The following PDE10A variants were observed in gnomAD, a reference collection of about 807,000 sequenced individuals.
PDE10A encodes phosphodiesterase 10A, also known as cAMP and cAMP-inhibited cGMP 3',5'-cyclic phosphodiesterase 10A.
Under a neutral mutation model 97.7 loss-of-function variants are expected in PDE10A, and 39 were observed. That is an observed-to-expected ratio of 0.40 (90% CI 0.31 to 0.52). PDE10A has a LOEUF of 0.52. Ranked by LOEUF, PDE10A falls within the 20% of genes least tolerant of loss-of-function variation. The pLI, the probability that PDE10A is intolerant of heterozygous loss-of-function variation, is 0.56. For missense variants in PDE10A, 731 were observed against 1,047.8 expected (o/e 0.70, Z 4.17); for synonymous variants, 371 against 376.8 (o/e 0.98, Z 0.18).
intron 1 of PDE10A, among the ~76,000 whole-genome samples, chr6:165,806,124 C>G (rs1779132369): frequency 6.8e-6 from 1 of 147,444 alleles, no homozygotes; most frequent in African/African-American, 2.5e-5. Flanking sequence ...TCTATACATT[C>G]CGGGCCAGAG....
chr6:165,603,891 A>G (rs1020939218), intron 1 of PDE10A, among the ~76,000 whole-genome samples: 17 of 152,208 alleles, frequency 1.1e-4, no homozygotes, highest in Non-Finnish European at 2.1e-4. Context: ...CCCACCCTCA[A>G]TTTGCTGAAG....
intron 1 of PDE10A, among the ~76,000 whole-genome samples, chr6:165,948,066 TATACATATATGTACATATATATACAC>T: frequency 6.6e-6 from 1 of 151,552 alleles, no homozygotes; most frequent in South Asian, 2.1e-4. Flanking sequence ...ATCATATACA[TATACATATATGTACATATATATACAC>T]ATACATATAT....
At chr6:165,403,062 C>G (rs1366368194) in intron 13 of PDE10A, among the ~76,000 whole-genome samples, 2 of 152,086 alleles carry the variant, frequency 1.3e-5, no homozygotes, top group Non-Finnish European at 2.9e-5. Flanking sequence ...TTCTCTGTTC[C>G]CCAGGATCTC....
chr6:165,425,081 A>G (rs1421065173), intron 10 of PDE10A, among the ~76,000 whole-genome samples: 1 of 152,170 alleles, frequency 6.6e-6, no homozygotes, highest in African/African-American at 2.4e-5. Flanking sequence ...ACACAAAGAA[A>G]TAAGTACTGT....
chr6:165,684,270 C>A (rs1038356509), intron 1 of PDE10A, among the ~76,000 whole-genome samples: 2 of 152,120 alleles, frequency 1.3e-5, no homozygotes, highest in African/African-American at 4.8e-5. Context: ...ACTGCTATAC[C>A]CCAGAACATA....
intron 1 of PDE10A, among the ~76,000 whole-genome samples, chr6:165,918,514 A>G (rs1269341868): frequency 6.6e-6 from 1 of 152,248 alleles, no homozygotes; most frequent in Non-Finnish European, 1.5e-5. Context: ...TTAAGCAGCC[A>G]ATCGTTCAAC....
chr6:165,958,053 A>G (rs1784191623), intron 1 of PDE10A, among the ~76,000 whole-genome samples: 1 of 152,176 alleles, frequency 6.6e-6, no homozygotes, highest in Admixed American at 6.5e-5. Context: ...ATTGAGACAT[A>G]TTTCTGATCC....
intron 1 of PDE10A, among the ~76,000 whole-genome samples, chr6:165,556,862 G>C (rs1201714849): frequency 6.6e-6 from 1 of 152,080 alleles, no homozygotes; most frequent in Non-Finnish European, 1.5e-5. Flanking sequence ...ATTCTGAGCC[G>C]GGTGCAGTGG....
chr6:165,978,013 A>G (rs1169025777), intron 1 of PDE10A, among the ~76,000 whole-genome samples: 1 of 152,244 alleles, frequency 6.6e-6, no homozygotes, highest in Non-Finnish European at 1.5e-5. Flanking sequence ...ATTCCTACAG[A>G]AGAGTCCCAG....
intron 1 of PDE10A, chr6:165,659,973 G>C (rs1308263243): frequency 6.6e-6 from 1 of 152,484 alleles, no homozygotes; most frequent in Non-Finnish European, 1.5e-5. Context: ...AGAAGCCTAC[G>C]ATCCCGTGCC....
intron 2 of PDE10A, among the ~76,000 whole-genome samples, chr6:165,490,704 T>A (rs912403757): frequency 6.6e-6 from 1 of 152,194 alleles, no homozygotes; most frequent in African/African-American, 2.4e-5. Flanking sequence ...TGGTGGTTCA[T>A]GCCAGTTGGG....
chr6:165,749,608 G>T, intron 1 of PDE10A, among the ~76,000 whole-genome samples: 1 of 152,172 alleles, frequency 6.6e-6, no homozygotes, highest in Non-Finnish European at 1.5e-5. Flanking sequence ...TATTGGTGAG[G>T]CCTCAGATAT....
chr6:165,343,120 T>C (rs1562365327), intron 19 of PDE10A, among the ~76,000 whole-genome samples: 1 of 152,218 alleles, frequency 6.6e-6, no homozygotes, highest in Non-Finnish European at 1.5e-5. Context: ...AGATCAGCTG[T>C]TAAGTAAGAT....
At chr6:165,476,430 A>G (rs1779303446) in intron 3 of PDE10A, among the ~76,000 whole-genome samples, 1 of 152,172 alleles carries the variant, frequency 6.6e-6, no homozygotes, top group Admixed American at 6.5e-5. Context: ...TAAGCAGAAC[A>G]AGAAACAGTA....
intron 1 of PDE10A, among the ~76,000 whole-genome samples, chr6:165,692,664 G>C (rs1791333843): frequency 6.6e-6 from 1 of 152,160 alleles, no homozygotes. Context: ...GCATTTTCTC[G>C]GCAGTAACGC....
chr6:165,705,259 G>C, intron 1 of PDE10A, among the ~76,000 whole-genome samples: 1 of 152,240 alleles, frequency 6.6e-6, no homozygotes, highest in East Asian at 1.9e-4. Flanking sequence ...CAGCTGGCTA[G>C]ATTGCTTAAA....
At chr6:165,788,111 T>C (rs957676818) in intron 1 of PDE10A, among the ~76,000 whole-genome samples, 10 of 152,224 alleles carry the variant, frequency 6.6e-5, no homozygotes, top group South Asian at 2.1e-4. Flanking sequence ...GTTATAACTA[T>C]GGATTATTCC....
intron 1 of PDE10A, among the ~76,000 whole-genome samples, chr6:165,752,718 C>T (rs887685293): frequency 3.2e-4 from 48 of 152,120 alleles, no homozygotes; most frequent in African/African-American, 1.1e-3. Flanking sequence ...CCATGAAAAA[C>T]CCAGAATAAT....
chr6:165,673,010 C>G (rs1790690932), intron 1 of PDE10A, among the ~76,000 whole-genome samples: 1 of 152,126 alleles, frequency 6.6e-6, no homozygotes, highest in Non-Finnish European at 1.5e-5. Flanking sequence ...ACACCTTTGC[C>G]ATGAATTAAA....
Sources: gnomAD v4.1 joint callset for allele counts (sites outside exome capture counted in the v4.1 genomes callset) on GRCh38, gnomAD v4.1.1 for gene constraint, MANE v1.5 for transcripts, NCBI Gene and HGNC (gene_info 2026-07-23, HGNC 2026-07-21) for gene names.